The following TRRAP variants were observed in gnomAD, a reference collection of about 807,000 sequenced individuals.
TRRAP encodes transformation/transcription domain-associated protein.
TRRAP carries 41 observed loss-of-function variants against 438.8 expected under a neutral mutation model. The ratio of observed to expected loss-of-function variants is 0.09; its 90% CI spans 0.07 to 0.12. The LOEUF is 0.12. Ranked by LOEUF, TRRAP falls within the 10% of genes least tolerant of loss-of-function variation. The pLI is 1.00. For synonymous variants in TRRAP, 1,994 were observed against 1,962.9 expected, an observed-to-expected ratio of 1.02 and a Z score of -0.42; for missense variants, 3,122 against 5,055.1, an observed-to-expected ratio of 0.62 and a Z score of 11.60.
rs1393327698 is a variant in TRRAP, at chr7:98,908,923, G to A, written c.1311G>A (p.Glu437=). 18 of 1,613,788 alleles carry A rather than the reference G, an allele frequency of 1.1e-5. No individual in the cohort carries two copies. The highest frequency in any genetic ancestry group is 1.4e-5 in the Non-Finnish European group (16 of 1,179,926). ...VDCIRSKSEQ[E]SGNGRDVLMR... Reference sequence around the variant, plus strand: ...GCATCCGTTCCAAGAGCGAGCAGGAGAGTGGCAATGGGAGAGACGTCCTGA... The same window carrying A: ...GCATCCGTTCCAAGAGCGAGCAGGAAAGTGGCAATGGGAGAGACGTCCTGA... Residue 437 remains glutamate (E), a synonymous_variant, in exon 14 of 73, where the codon GAG becomes GAA. Coordinates refer to ENST00000456197, the MANE Select transcript of TRRAP (RefSeq NM_001375524.1). This position sits in a 1 kb window ranked among gnomAD's most constrained non-coding sequence, Gnocchi z 4.1.
chr7:98,958,046 G>A lies in TRRAP; in HGVS notation c.6297G>A (p.Gln2099=). 1 of 1,614,208 alleles carries A rather than the reference G, an allele frequency of 6.2e-7. No homozygotes were observed. Among genetic ancestry groups the A allele is most frequent in the East Asian group, 2.2e-5 (1 of 44,878 alleles). ...TCCTCGCCAAGCCCATTGACAAGCA[G>A]CACACAGACACTGTGGTGAACTTCC... ...DSLLAKPIDK[Q]HTDTVVNFLI... The change falls in exon 44 of 73, where the codon CAG becomes CAA. Residue 2099 remains glutamine (Q), a synonymous_variant. Coordinates refer to ENST00000456197, the MANE Select transcript of TRRAP (RefSeq NM_001375524.1).
chr7:98,983,502 C>G, intron 60 of TRRAP, 43 bp downstream of exon 60: 1 of 1,608,670 alleles, frequency 6.2e-7, no homozygotes, highest in Non-Finnish European at 8.5e-7. Context: ...TGTAATTTTC[C>G]AGACGCCCCA....
intron 68 of TRRAP, 67 bp downstream of exon 68, chr7:99,004,482 C>A: frequency 1.4e-6 from 2 of 1,408,018 alleles, no homozygotes; most frequent in Non-Finnish European, 2.0e-6. Flanking sequence ...CCCATGGGAG[C>A]TCCAGGGTGG....
At chr7:98,917,222 C>T (rs916056731) in intron 19 of TRRAP, among the ~76,000 whole-genome samples, 2 of 152,086 alleles carry the variant, frequency 1.3e-5, no homozygotes, top group Non-Finnish European at 1.5e-5. Context: ...CAGTTACATA[C>T]GGCCTACTGT....
At chr7:98,965,567 C>T in intron 48 of TRRAP, 129 bp from the exon 49 acceptor site, 5 of 1,223,842 alleles carry the variant, frequency 4.1e-6, no homozygotes, top group Non-Finnish European at 5.8e-6. Flanking sequence ...AATCCCAGAG[C>T]TCTAGTTGCA....
At chr7:98,924,986 CAG>C (rs1789980069) in intron 21 of TRRAP, 124 bp from the exon 22 acceptor site, 5 of 1,313,470 alleles carry the variant, frequency 3.8e-6, no homozygotes, top group African/African-American at 1.5e-5. Flanking sequence ...GCCCAGGCGA[CAG>C]AGCGAGACTC....
intron 28 of TRRAP, 48 bp from the exon 29 acceptor site, chr7:98,937,108 G>T (rs782447895): frequency 6.5e-7 from 1 of 1,547,832 alleles, no homozygotes; most frequent in Non-Finnish European, 8.7e-7. Context: ...AATTATTTGG[G>T]CATCTTTCCA....
chr7:98,929,999 G>A lies in TRRAP; in HGVS notation c.3186G>A (p.Leu1062=). ...CATCTCTCCTTTTAGGCCCTTTCTT[G>A]CTGCCTTGCTACCAGGTGGGCAGCC... ...VAVAQQCGPF[L]LPCYQVGSQP... The change falls in exon 24 of 73, where the codon TTG becomes TTA. Residue 1062 remains leucine (L), a synonymous_variant. Coordinates refer to ENST00000456197, the MANE Select transcript of TRRAP (RefSeq NM_001375524.1). 6.2e-7 allele frequency: 1 copy of A among 1,614,086 alleles called. No individual in the cohort carries two copies. Among genetic ancestry groups the A allele is most frequent in the Non-Finnish European group, 8.5e-7 (1 of 1,180,004 alleles).
intron 4 of TRRAP, among the ~76,000 whole-genome samples, chr7:98,891,711 A>AT (rs564747851): frequency 2.7e-5 from 4 of 147,870 alleles, no homozygotes; most frequent in East Asian, 2.0e-4. Flanking sequence ...AATTTTTTGT[A>AT]TTTTTTTTAG....
intron 63 of TRRAP, among the ~76,000 whole-genome samples, chr7:98,989,196 C>T (rs956199527): frequency 7.9e-5 from 12 of 152,230 alleles, no homozygotes; most frequent in African/African-American, 2.4e-4. Context: ...CAAAGCCTCA[C>T]GTAGAGCCCA....
chr7:98,911,976 T>C, intron 17 of TRRAP, 46 bp from the exon 18 acceptor site: 1 of 1,558,322 alleles, frequency 6.4e-7, no homozygotes, highest in Non-Finnish European at 8.8e-7. Flanking sequence ...TTAAAACTGC[T>C]TTGGGGAAGG....
chr7:98,955,355 T>G (rs2116635165), intron 41 of TRRAP, 51 bp downstream of exon 41: 1 of 1,530,094 alleles, frequency 6.5e-7, no homozygotes, highest in Non-Finnish European at 8.9e-7. Context: ...AGGCATTCAC[T>G]TTGAACCTTT....
At chr7:98,998,101 G>A (rs139858538) in intron 67 of TRRAP, among the ~76,000 whole-genome samples, 4 of 152,206 alleles carry the variant, frequency 2.6e-5, no homozygotes, top group East Asian at 1.9e-4. Context: ...TATAATTTCC[G>A]TAAGGCTTTT....
intron 23 of TRRAP, 101 bp from the exon 24 acceptor site, chr7:98,929,888 C>T: frequency 7.6e-7 from 1 of 1,314,452 alleles, no homozygotes; most frequent in South Asian, 1.3e-5. Flanking sequence ...GCCGCCGTGC[C>T]CTGCTTTTTA....
At position 99,012,662 on chromosome 7, in the gene TRRAP, A is replaced by C; in HGVS notation, c.*307A>C. On this transcript the variant is annotated 3_prime_UTR_variant, in exon 73 of 73. Transcript: ENST00000456197. The surrounding 1 kb of genome is among the most constrained non-coding windows in gnomAD (Gnocchi z 5.9). Reference sequence around the variant, plus strand: ...GAATTTCTGAGTGAGTCCTTTTTTTATGGTGTCCTCCCTCTGTGAATGTAC... The same window carrying C: ...GAATTTCTGAGTGAGTCCTTTTTTTCTGGTGTCCTCCCTCTGTGAATGTAC... 7.4e-6 allele frequency: 3 copies of C among 404,724 alleles called. No homozygotes were observed. Among genetic ancestry groups the C allele is most frequent in the East Asian group, 4.9e-5 (1 of 20,368 alleles). 25.1% of individuals were successfully genotyped at this position (404,724 alleles called of 1,614,324 possible).
chr7:98,930,209 A>G lies in TRRAP; in HGVS notation c.3393+3A>G. On this transcript the variant is annotated splice_donor_region_variant and intron_variant, in intron 24 of 72. Transcript: ENST00000456197. ...TCATCCTGGGCTCCAAGGAGAGGGT[A>G]AGGAAGGGTTGAGGAGTGTCTTCTG... is the stretch of plus-strand genomic sequence containing the variant. The G allele has an allele frequency of 6.2e-7, 1 of 1,614,040 alleles. No individual in the cohort carries two copies. The highest frequency in any genetic ancestry group is 1.1e-5 in the South Asian group (1 of 91,080).
intron 21 of TRRAP, 56 bp downstream of exon 21, chr7:98,922,009 A>G: frequency 1.2e-6 from 2 of 1,607,718 alleles, no homozygotes; most frequent in African/African-American, 1.3e-5. Flanking sequence ...ACTATGTTTC[A>G]GTCTATGTGA....
At chr7:98,888,074 C>CA (rs530731653) in intron 3 of TRRAP, among the ~76,000 whole-genome samples, 151 of 152,070 alleles carry the variant, frequency 9.9e-4, no homozygotes, top group Non-Finnish European at 1.9e-3. Context: ...ACCAAAAATA[C>CA]AAAAAATTAG....
intron 6 of TRRAP, among the ~76,000 whole-genome samples, chr7:98,894,291 A>G (rs1216116392): frequency 2.0e-5 from 3 of 152,186 alleles, no homozygotes; most frequent in African/African-American, 4.8e-5. Flanking sequence ...TAAAGTGACA[A>G]TAATCATAGT....
Sources: gnomAD v4.1 joint callset for allele counts (sites outside exome capture counted in the v4.1 genomes callset) on GRCh38, gnomAD v4.1.1 for gene constraint, Gnocchi (gnomAD v3.1) non-coding constraint, MANE v1.5 for transcripts, NCBI Gene and HGNC (gene_info 2026-07-23, HGNC 2026-07-21) for gene names.